The following PHF6 variants were observed in gnomAD, a reference collection of about 807,000 sequenced individuals.
The protein encoded by PHF6 is PHD-like zinc finger protein.
Under a neutral mutation model 34.0 loss-of-function variants are expected in PHF6, and 7 were observed. The ratio of observed to expected loss-of-function variants is 0.21; its 90% CI spans 0.12 to 0.39. The LOEUF (loss-of-function observed/expected upper bound fraction) is 0.39. Ranked by LOEUF, PHF6 falls within the 10% of genes least tolerant of loss-of-function variation. The pLI is 1.00. For missense variants in PHF6, 128 were observed against 262.8 expected (o/e 0.49, Z 3.55); for synonymous variants, 89 against 88.4 (o/e 1.01, Z -0.04).
intron 3 of PHF6, among the ~76,000 whole-genome samples, chrX:134,383,514 A>G (rs1426478937): frequency 9.0e-6 from 1 of 110,750 alleles, no homozygotes; most frequent in African/African-American, 3.3e-5. Context: ...CCCTTTTTTC[A>G]CACTAAATTT....
At chrX:134,418,389 A>G (rs1401600873) in intron 9 of PHF6, 1 of 111,802 alleles carries the variant, frequency 8.9e-6, no homozygotes, top group Non-Finnish European at 1.9e-5. Flanking sequence ...GGTGGTGTTA[A>G]TGTATATCTG....
rs755331328 is a variant in PHF6 at position 134,417,414 on chromosome X, A to G, written c.968+112A>G. Reference sequence around the variant, plus strand: ...TAAATGGTGTTTAGTTAAGTATAGAATACTGAGCACATTATGTAAGGAATG... The same window carrying G: ...TAAATGGTGTTTAGTTAAGTATAGAGTACTGAGCACATTATGTAAGGAATG... On this transcript the variant is annotated intron_variant, in intron 9 of 10. Coordinates refer to ENST00000370803, the MANE Select transcript of PHF6 (RefSeq NM_001015877.2). 6 of 780,132 alleles carry G rather than the reference A, an allele frequency of 7.7e-6. No individual in the cohort carries two copies. In the East Asian group the frequency reaches 1.7e-4, roughly 22 times the overall value. The allele number at this position is 780,132 out of a possible 1,213,427, so 64.3% of individuals were successfully genotyped here. A position where few individuals can be genotyped will look rare whatever the true frequency, so the allele number is the denominator to read the frequency against.
rs771399346 is a variant in PHF6 at position 134,377,997 on chromosome X, A to C, written c.139-8A>C. 4 of 1,162,947 alleles carry C rather than the reference A, an allele frequency of 3.4e-6. No homozygotes were observed. Among genetic ancestry groups the C allele is most frequent in the Non-Finnish European group, 4.6e-6 (4 of 862,731 alleles). Reference sequence around the variant, plus strand: ...TGAACCTTAATTTTTTTTAAATGTAATTTATAGCTCTTTTCATCTGCTTTG... The same window carrying C: ...TGAACCTTAATTTTTTTTAAATGTACTTTATAGCTCTTTTCATCTGCTTTG... On this transcript the variant is annotated splice_polypyrimidine_tract_variant and splice_region_variant and intron_variant, in intron 2 of 10. Coordinates refer to ENST00000370803, the MANE Select transcript of PHF6 (RefSeq NM_001015877.2).
At chrX:134,374,789 T>G (rs2077271636) in intron 1 of PHF6, among the ~76,000 whole-genome samples, 1 of 112,333 alleles carries the variant, frequency 8.9e-6, no homozygotes, top group Non-Finnish European at 1.9e-5. Flanking sequence ...TTTCCAGGCA[T>G]TTAAATTATG....
chrX:134,393,378 A>G, intron 3 of PHF6, 123 bp from the exon 4 acceptor site: 2 of 702,421 alleles, frequency 2.8e-6, no homozygotes, highest in South Asian at 5.6e-5. Flanking sequence ...GAAAAGTAGC[A>G]TTAATTACAA....
chrX:134,385,544 C>A (rs1467340932), intron 3 of PHF6, among the ~76,000 whole-genome samples: 1 of 111,645 alleles, frequency 9.0e-6, no homozygotes, highest in Non-Finnish European at 1.9e-5. Context: ...TGTTGGTGGA[C>A]TTTGAAGATG....
intron 5 of PHF6, among the ~76,000 whole-genome samples, chrX:134,412,350 T>A (rs2124246843): frequency 8.9e-6 from 1 of 111,990 alleles, no homozygotes; most frequent in African/African-American, 3.2e-5. Context: ...TCCCTTAATT[T>A]ATATATATAT....
chrX:134,424,111 T>TAA (rs760045577), intron 9 of PHF6, among the ~76,000 whole-genome samples: 113 of 99,323 alleles, frequency 1.1e-3, no homozygotes, highest in African/African-American at 4.0e-3. Flanking sequence ...AAAAGTATAA[T>TAA]AAAAAAAAAA....
Position 134,391,216 on chromosome X carries a change from C to T in PHF6, c.241-2285C>T, listed in dbSNP as rs182033279. ...CTTGAACTCCTGACCTCAGGTGATG[C>T]GCCCGTCTCAGCCTCCCAAAGTGCT... On this transcript the variant is annotated intron_variant, in intron 3 of 10. Coordinates refer to ENST00000370803, the MANE Select transcript of PHF6 (RefSeq NM_001015877.2). Among the ~76,000 whole-genome samples, 588 of 110,793 alleles carry T rather than the reference C, an allele frequency of 5.3e-3. 2 individuals are homozygous for T. Among genetic ancestry groups the T allele is most frequent in the African/African-American group, 0.018 (555 of 30,507 alleles).
In PHF6 at chrX:134,427,283, T is replaced by C. The variant is rs904401303; in HGVS notation, c.*1623T>C. 1 of 164,055 alleles carries C rather than the reference T, an allele frequency of 6.1e-6. No homozygotes were observed. The highest frequency in any genetic ancestry group is 1.2e-5 in the Non-Finnish European group (1 of 84,915). The allele number at this position is 164,055 out of a possible 1,213,427, so 13.5% of individuals were successfully genotyped here. On this transcript the variant is annotated 3_prime_UTR_variant, in exon 11 of 11. Coordinates refer to ENST00000370803, the MANE Select transcript of PHF6 (RefSeq NM_001015877.2). ...GTATGTGATTTTCAAAATTCATGAC[T>C]TGAAGTGCAAGGACAGATCTAGATG...
At chrX:134,379,324 T>G (rs776251319) in intron 3 of PHF6, among the ~76,000 whole-genome samples, 1 of 110,877 alleles carries the variant, frequency 9.0e-6, no homozygotes, top group South Asian at 3.8e-4. Flanking sequence ...CCATTTCTGT[T>G]GTAGTGAGAC....
intron 5 of PHF6, among the ~76,000 whole-genome samples, chrX:134,402,004 T>G (rs984546417): frequency 1.8e-5 from 2 of 111,484 alleles, no homozygotes; most frequent in Non-Finnish European, 3.8e-5. Context: ...GTTTGTTTGT[T>G]TTTTTGGTTG....
intron 3 of PHF6, among the ~76,000 whole-genome samples, chrX:134,384,590 A>G (rs2077322089): frequency 9.3e-6 from 1 of 107,567 alleles, no homozygotes; most frequent in African/African-American, 3.4e-5. Context: ...TCCTTCTTCC[A>G]TATCAGTCAC....
chrX:134,387,942 A>G (rs1334362702), intron 3 of PHF6, among the ~76,000 whole-genome samples: 1 of 111,580 alleles, frequency 9.0e-6, no homozygotes, highest in Non-Finnish European at 1.9e-5. Flanking sequence ...TTAAACCTTA[A>G]AAGTAGTGTT....
intron 5 of PHF6, among the ~76,000 whole-genome samples, chrX:134,394,198 A>G (rs963553112): frequency 9.1e-6 from 1 of 109,293 alleles, no homozygotes; most frequent in African/African-American, 3.4e-5. Flanking sequence ...CAGTGGTGTG[A>G]TCACAGCTTA....
At chrX:134,409,445 T>C (rs1461563509) in intron 5 of PHF6, among the ~76,000 whole-genome samples, 1 of 111,528 alleles carries the variant, frequency 9.0e-6, no homozygotes, top group Non-Finnish European at 1.9e-5. Context: ...AAAAGGATAC[T>C]CTTGTGTATT....
intron 5 of PHF6, among the ~76,000 whole-genome samples, chrX:134,409,935 C>T (rs1209956072): frequency 9.0e-6 from 1 of 111,325 alleles, no homozygotes. Flanking sequence ...CTGCCATATC[C>T]TTATTGCCAC....
chrX:134,373,978 A>G lies in PHF6; in HGVS notation c.-47+511A>G, dbSNP rs778727049. Among the ~76,000 whole-genome samples the G allele has an allele frequency of 6.4e-5, 7 of 109,990 alleles. No homozygotes were observed. The South Asian group carries it at 2.0e-3, about 31-fold the overall frequency. ...GGCATAAAGAAAGTGGTAGGATGAT[A>G]TTTTCCTAGATTCGGGAGGATTGGA... On this transcript the variant is annotated intron_variant, in intron 1 of 10. Coordinates refer to ENST00000370803, the MANE Select transcript of PHF6 (RefSeq NM_001015877.2).
At chrX:134,374,932 C>G (rs892137363) in intron 1 of PHF6, among the ~76,000 whole-genome samples, 2 of 112,004 alleles carry the variant, frequency 1.8e-5, no homozygotes, top group African/African-American at 3.2e-5. Context: ...GCCTGAAAAA[C>G]CTTTTAGACT....
Sources: gnomAD v4.1 joint callset for allele counts (sites outside exome capture counted in the v4.1 genomes callset) on GRCh38, gnomAD v4.1.1 for gene constraint, MANE v1.5 for transcripts, NCBI Gene and HGNC (gene_info 2026-07-23, HGNC 2026-07-21) for gene names.